Variants in FAM13A observed in about 807,000 individuals in gnomAD.
FAM13A encodes protein FAM13A.
In FAM13A, 76 loss-of-function variants were observed where a neutral mutation model predicts 129.6. The observed-to-expected ratio is 0.59, with a 90% CI of 0.49 to 0.71. FAM13A has a LOEUF of 0.71. Ranked by LOEUF, FAM13A falls within the 30% of genes least tolerant of loss-of-function variation. The pLI is 0.00. For missense variants in FAM13A, 1,108 were observed against 1,249.3 expected, an observed-to-expected ratio of 0.89 and a Z score of 1.70; for synonymous variants, 443 against 449.9, an observed-to-expected ratio of 0.98 and a Z score of 0.20.
chr4:88,742,215 T>G (rs1430595646), intron 19 of FAM13A, among the ~76,000 whole-genome samples: 1 of 152,206 alleles, frequency 6.6e-6, no homozygotes, highest in Non-Finnish European at 1.5e-5. Flanking sequence ...ACCAACCAGT[T>G]GTGACAAATT....
chr4:88,876,674 C>A (rs1561227145), intron 6 of FAM13A, among the ~76,000 whole-genome samples: 1 of 152,106 alleles, frequency 6.6e-6, no homozygotes, highest in Non-Finnish European at 1.5e-5. Context: ...TCACTGCAAG[C>A]TCTGCCTCCC....
At chr4:88,852,413 C>T (rs1163728856) in intron 6 of FAM13A, among the ~76,000 whole-genome samples, 5 of 152,268 alleles carry the variant, frequency 3.3e-5, no homozygotes, top group African/African-American at 1.2e-4. Context: ...CTGCCCACCT[C>T]GGCCTCCCAA....
intron 7 of FAM13A, among the ~76,000 whole-genome samples, chr4:88,811,013 CT>C (rs750991091): frequency 1.9e-4 from 29 of 152,134 alleles, no homozygotes; most frequent in Admixed American, 7.2e-4. Flanking sequence ...ACACATCTCC[CT>C]TGCTTGCTAT....
chr4:88,963,299 C>CTT (rs768059079), intron 4 of FAM13A, among the ~76,000 whole-genome samples: 8 of 138,318 alleles, frequency 5.8e-5, no homozygotes, highest in Non-Finnish European at 4.8e-5. Context: ...CATTTAAAAT[C>CTT]TTTTTTTTTT....
intron 4 of FAM13A, among the ~76,000 whole-genome samples, chr4:88,970,494 A>G (rs1384040165): frequency 6.7e-6 from 1 of 149,340 alleles, no homozygotes; most frequent in Non-Finnish European, 1.5e-5. Context: ...AGATATATAG[A>G]TACACTATAT....
intron 6 of FAM13A, among the ~76,000 whole-genome samples, chr4:88,861,524 G>C (rs1175138186): frequency 6.6e-6 from 1 of 152,086 alleles, no homozygotes; most frequent in Non-Finnish European, 1.5e-5. Flanking sequence ...TGTGGAACTT[G>C]GGAAGACAAG....
intron 4 of FAM13A, among the ~76,000 whole-genome samples, chr4:88,960,290 C>T (rs1308655688): frequency 6.6e-6 from 1 of 152,134 alleles, no homozygotes; most frequent in Non-Finnish European, 1.5e-5. Context: ...AAAAATAACA[C>T]AATTTTCAAC....
chr4:88,924,397 C>T (rs1469075265), intron 5 of FAM13A, among the ~76,000 whole-genome samples: 1 of 152,034 alleles, frequency 6.6e-6, no homozygotes, highest in East Asian at 1.9e-4. Context: ...AGAAATAACG[C>T]CACATATCTA....
intron 3 of FAM13A, among the ~76,000 whole-genome samples, chr4:88,996,826 A>C (rs1471700054): frequency 1.3e-5 from 2 of 152,178 alleles, no homozygotes; most frequent in Non-Finnish European, 1.5e-5. Flanking sequence ...CCATCTTTTA[A>C]ACACCCTCCG....
At chr4:89,029,694 C>T (rs772042101) in intron 1 of FAM13A, 45 bp from the exon 2 acceptor site, 2 of 1,507,072 alleles carry the variant, frequency 1.3e-6, no homozygotes, top group East Asian at 2.3e-5. Context: ...ATATTTACCA[C>T]AGGAGGTTGC....
chr4:88,903,592 C>T (rs1747639893), intron 6 of FAM13A, among the ~76,000 whole-genome samples: 1 of 152,124 alleles, frequency 6.6e-6, no homozygotes, highest in South Asian at 2.1e-4. Context: ...TTCCTTACAC[C>T]TTATACAAAA....
chr4:88,813,445 A>T (rs1324422074), intron 7 of FAM13A, among the ~76,000 whole-genome samples: 2 of 152,224 alleles, frequency 1.3e-5, no homozygotes, highest in African/African-American at 4.8e-5. Context: ...TTTTTATAAC[A>T]TTAGTAAATA....
At chr4:88,798,657 G>C (rs1273759717) in intron 8 of FAM13A, among the ~76,000 whole-genome samples, 1 of 152,200 alleles carries the variant, frequency 6.6e-6, no homozygotes, top group Non-Finnish European at 1.5e-5. Flanking sequence ...CGCCATAGAT[G>C]ATGTGACTTT....
At chr4:88,772,311 A>C (rs1720828217) in intron 11 of FAM13A, among the ~76,000 whole-genome samples, 1 of 152,162 alleles carries the variant, frequency 6.6e-6, no homozygotes, top group South Asian at 2.1e-4. Flanking sequence ...TTATTGCTTA[A>C]AATTGTATAA....
chr4:88,829,562 A>C (rs1578853529), intron 7 of FAM13A, among the ~76,000 whole-genome samples: 1 of 152,248 alleles, frequency 6.6e-6, no homozygotes, highest in African/African-American at 2.4e-5. Context: ...AGAATCATGA[A>C]GCCAAGATTT....
intron 3 of FAM13A, among the ~76,000 whole-genome samples, chr4:88,996,210 G>C (rs1263936098): frequency 1.3e-5 from 2 of 152,192 alleles, no homozygotes; most frequent in Non-Finnish European, 2.9e-5. Context: ...CTGACTAAAA[G>C]CTATGGTCTT....
rs201087138 is a variant in FAM13A at position 88,745,851 on chromosome 4, ATTTTTT to A, written c.2466+1075_2466+1080del. 4.4e-3 allele frequency among the ~76,000 whole-genome samples: 623 copies of A among 142,530 alleles called. 6 individuals are homozygous for A. Among genetic ancestry groups the A allele is most frequent in the African/African-American group, 0.016 (606 of 38,880 alleles). The allele number at this position is 142,530 out of a possible 152,430, so 93.5% of individuals were successfully genotyped here. On this transcript the variant is annotated intron_variant, in intron 19 of 23. Coordinates refer to ENST00000264344, the MANE Select transcript of FAM13A (RefSeq NM_014883.4). The stretch of plus-strand genomic sequence containing the variant: ...CAGCAGAAGAATCATCAGTGCCAGC[ATTTTTT>A]TTTTTTTTTTACATTTAAACCTGAT...
intron 1 of FAM13A, among the ~76,000 whole-genome samples, chr4:89,054,964 C>T (rs1374047467): frequency 1.3e-5 from 2 of 152,174 alleles, no homozygotes; most frequent in Admixed American, 1.3e-4. Flanking sequence ...CTTCTCTCTT[C>T]CCCAAAAAGA....
chr4:88,761,913 A>G (rs1308224098), intron 13 of FAM13A, among the ~76,000 whole-genome samples: 1 of 152,216 alleles, frequency 6.6e-6, no homozygotes, highest in Non-Finnish European at 1.5e-5. Flanking sequence ...CTCTGTCATA[A>G]TGAGTCTTAC....
Sources: gnomAD v4.1 joint callset for allele counts (sites outside exome capture counted in the v4.1 genomes callset) on GRCh38, gnomAD v4.1.1 for gene constraint, MANE v1.5 for transcripts, NCBI Gene and HGNC (gene_info 2026-07-23, HGNC 2026-07-21) for gene names.